SVOPL: variants seen among roughly 807,000 people sequenced by gnomAD.
SVOPL encodes the protein putative transporter SVOPL.
In SVOPL, 60 loss-of-function variants were observed where a neutral mutation model predicts 61.0. The observed-to-expected ratio is 0.98, with a 90% CI of 0.80 to 1.22. The LOEUF (loss-of-function observed/expected upper bound fraction) is 1.22, where lower values mean the gene tolerates loss of function less well. Ranked by LOEUF, SVOPL falls within the 50% of genes most tolerant of loss-of-function variation. SVOPL has a pLI of 0.00. For synonymous variants in SVOPL, 279 were observed against 250.0 expected, an observed-to-expected ratio of 1.12 and a Z score of -1.09; for missense variants, 662 against 643.9, an observed-to-expected ratio of 1.03 and a Z score of -0.30.
In SVOPL at chr7:138,600,793, A is replaced by G. The variant is rs540700122; in HGVS notation, c.1354-4263T>C. Among the ~76,000 whole-genome samples, 6 of 152,194 alleles carry G rather than the reference A, an allele frequency of 3.9e-5. 1 individual carries two copies. The highest frequency in any genetic ancestry group is 3.9e-4 in the Admixed American group (6 of 15,282). ...AATCAAAACCACAGTAAGATACATC[A>G]CCTCACATGTCTATCACAAACACGA... On this transcript the variant is annotated intron_variant, in intron 14 of 15. Coordinates refer to ENST00000674285, the MANE Select transcript of SVOPL (RefSeq NM_001139456.2).
chr7:138,622,098 C>CTATGTATCTATCTATG (rs1563096219), intron 13 of SVOPL, among the ~76,000 whole-genome samples: 2 of 69,128 alleles, frequency 2.9e-5, no homozygotes, highest in Non-Finnish European at 6.1e-5. Context: ...ATGTATCTAT[C>CTATGTATCTATCTATG]TATCTATCTA....
At chr7:138,601,579 A>G (rs1172484922) in intron 14 of SVOPL, among the ~76,000 whole-genome samples, 1 of 152,198 alleles carries the variant, frequency 6.6e-6, no homozygotes, top group African/African-American at 2.4e-5. Context: ...AATCAGATAC[A>G]TAGAATAAAA....
At chr7:138,668,428 T>C (rs764378035) in intron 4 of SVOPL, among the ~76,000 whole-genome samples, 6 of 152,316 alleles carry the variant, frequency 3.9e-5, no homozygotes, top group Non-Finnish European at 7.3e-5. Flanking sequence ...GGCTGTTACA[T>C]TCTTCCCAGT....
chr7:138,631,462 C>T (rs1800185821), intron 9 of SVOPL, among the ~76,000 whole-genome samples: 2 of 152,076 alleles, frequency 1.3e-5, no homozygotes, highest in South Asian at 4.1e-4. Context: ...CCATCCCCAC[C>T]TCCCCCCATC....
Position 138,612,860 on chromosome 7 carries a change from T to C in SVOPL, c.1353+8186A>G, listed in dbSNP as rs554694791. Among the ~76,000 whole-genome samples, 7 of 151,846 alleles carry C rather than the reference T, an allele frequency of 4.6e-5. No homozygotes were observed. In the East Asian group the frequency reaches 1.4e-3, roughly 30 times the overall value. ...CAGTCAGGTTTACCATGTTTTCCTA[T>C]ATCTTTATACTATAATAGAAAGGGT... is the stretch of plus-strand genomic sequence containing the variant. On this transcript the variant is annotated intron_variant, in intron 14 of 15. Coordinates refer to ENST00000674285, the MANE Select transcript of SVOPL (RefSeq NM_001139456.2).
chr7:138,606,284 G>T (rs10232737), intron 14 of SVOPL, among the ~76,000 whole-genome samples: 1 of 151,956 alleles, frequency 6.6e-6, no homozygotes, highest in African/African-American at 2.4e-5. Context: ...GTGGACACCA[G>T]GGGTGAGGTT....
At chr7:138,643,422 C>CACAAA (rs1800933914) in intron 9 of SVOPL, among the ~76,000 whole-genome samples, 1 of 67,340 alleles carries the variant, frequency 1.5e-5, no homozygotes, top group African/African-American at 5.2e-5. Flanking sequence ...GACTCCATCT[C>CACAAA]AAAAAAAAAA....
chr7:138,667,728 T>C (rs1054520961), intron 4 of SVOPL, among the ~76,000 whole-genome samples: 2 of 152,182 alleles, frequency 1.3e-5, no homozygotes, highest in Admixed American at 1.3e-4. Flanking sequence ...TTTCCATAGC[T>C]GGTGTTCTTG....
chr7:138,644,713 T>G lies in SVOPL; in HGVS notation c.789+4A>C, dbSNP rs774555034. 2.5e-6 allele frequency: 4 copies of G among 1,613,658 alleles called. No homozygotes were observed. Among genetic ancestry groups the G allele is most frequent in the Non-Finnish European group, 3.4e-6 (4 of 1,179,924 alleles). ...AGGAGAAGACCTCGGGGGCCAGCACTCACCAGGACGGGCTCCACCAGCTTC... is the reference window on the plus strand; with the variant it reads ...AGGAGAAGACCTCGGGGGCCAGCACGCACCAGGACGGGCTCCACCAGCTTC... On this transcript the variant is annotated splice_donor_region_variant and intron_variant, in intron 9 of 15. Coordinates refer to ENST00000674285, the MANE Select transcript of SVOPL (RefSeq NM_001139456.2).
intron 7 of SVOPL, 82 bp downstream of exon 7, chr7:138,656,366 A>G (rs1010795559): frequency 1.4e-5 from 20 of 1,389,028 alleles, no homozygotes; most frequent in Non-Finnish European, 1.9e-5. Context: ...GTACCAAACC[A>G]GCAGTATTTC....
At chr7:138,630,780 C>A (rs1351337673) in intron 9 of SVOPL, among the ~76,000 whole-genome samples, 3 of 151,762 alleles carry the variant, frequency 2.0e-5, no homozygotes, top group South Asian at 4.2e-4. Flanking sequence ...CCGTCTCTAC[C>A]AAAAATACAA....
intron 13 of SVOPL, among the ~76,000 whole-genome samples, chr7:138,622,167 T>A (rs1164926779): frequency 3.9e-5 from 5 of 126,928 alleles, no homozygotes; most frequent in Admixed American, 8.2e-5. Flanking sequence ...TCTGTCTATG[T>A]ATCTATCTGT....
At chr7:138,676,899 CTTTTTT>C (rs1191279496) in intron 3 of SVOPL, among the ~76,000 whole-genome samples, 2 of 112,820 alleles carry the variant, frequency 1.8e-5, no homozygotes, top group Admixed American at 9.5e-5. Flanking sequence ...CTTGGGGTTC[CTTTTTT>C]TTTTTTTTTT....
Position 138,678,464 on chromosome 7 carries a change from A to C in SVOPL, c.144T>G (p.Ile48Met). 2.6e-6 allele frequency: 4 copies of C among 1,551,984 alleles called. No individual in the cohort carries two copies. Among genetic ancestry groups the C allele is most frequent in the Non-Finnish European group, 3.5e-6 (4 of 1,147,044 alleles). Residue 48 changes from isoleucine to methionine, a missense_variant, in exon 3 of 16, where the codon ATT becomes ATG. Transcript: ENST00000674285. ...VETIGFGRFH[I>M]ALFLIMGSTG... is the part of the protein sequence containing the mutation. ...TACTGCCCATGATCAGAAAGAGGGC[A>C]ATGTGGAAACGCCCGAAGCCGATAG...
At chr7:138,650,079 C>T (rs574818296) in intron 7 of SVOPL, among the ~76,000 whole-genome samples, 2 of 152,014 alleles carry the variant, frequency 1.3e-5, no homozygotes, top group South Asian at 4.2e-4. Context: ...ATCTGCCCAC[C>T]TTGGCCTCCC....
chr7:138,621,886 C>CTATG (rs1563095624), intron 13 of SVOPL, among the ~76,000 whole-genome samples: 14 of 38,870 alleles, frequency 3.6e-4, no homozygotes, highest in Non-Finnish European at 5.1e-4. Context: ...ATCTATCTAT[C>CTATG]TATCTATCTA....
intron 5 of SVOPL, chr7:138,662,600 C>A: frequency 1.0e-6 from 1 of 987,320 alleles, no homozygotes; most frequent in Non-Finnish European, 1.2e-6. Flanking sequence ...GGGGCCTTTT[C>A]CATTCCCCTT....
intron 14 of SVOPL, among the ~76,000 whole-genome samples, chr7:138,600,578 G>T (rs953726482): frequency 1.3e-5 from 2 of 151,868 alleles, no homozygotes; most frequent in East Asian, 1.9e-4. Context: ...TTCCAGTCTC[G>T]GTGACAGAGC....
chr7:138,632,137 G>A (rs1161275658), intron 9 of SVOPL, among the ~76,000 whole-genome samples: 1 of 152,154 alleles, frequency 6.6e-6, no homozygotes, highest in Non-Finnish European at 1.5e-5. Context: ...TTGCTCAAGA[G>A]ATGTCTGTGG....
Sources: allele counts gnomAD v4.1 joint callset (sites outside exome capture counted in the v4.1 genomes callset), GRCh38; gene constraint gnomAD v4.1.1; transcripts MANE v1.5; gene names NCBI Gene and HGNC (gene_info 2026-07-23, HGNC 2026-07-21).